The following RBFOX1 variants were observed in gnomAD, a reference collection of about 807,000 sequenced individuals.
The protein encoded by RBFOX1 is RNA binding protein fox-1 homolog 1.
A neutral mutation model predicts 57.7 loss-of-function variants in RBFOX1; 8 were observed. That is an observed-to-expected ratio of 0.14 (90% CI 0.08 to 0.25). RBFOX1 has a LOEUF of 0.25. RBFOX1 is among the 10% of genes least tolerant of loss of function. The pLI is 1.00. For synonymous variants in RBFOX1, 326 were observed against 222.4 expected, an observed-to-expected ratio of 1.47 and a Z score of -4.15; for missense variants, 611 against 548.5, an observed-to-expected ratio of 1.11 and a Z score of -1.14.
chr16:7,431,059 T>G (rs1456612861), intron 4 of RBFOX1, among the ~76,000 whole-genome samples: 1 of 152,184 alleles, frequency 6.6e-6, no homozygotes, highest in Non-Finnish European at 1.5e-5. Flanking sequence ...GGCTTTCTAC[T>G]AAGGCACAGG....
intron 4 of RBFOX1, among the ~76,000 whole-genome samples, chr16:6,010,681 G>A (rs2094956032): frequency 6.6e-6 from 1 of 152,312 alleles, no homozygotes; most frequent in Non-Finnish European, 1.5e-5. Flanking sequence ...GGCTGAAGTG[G>A]ATGTAAACAT....
intron 4 of RBFOX1, among the ~76,000 whole-genome samples, chr16:7,386,318 T>A (rs1217333296): frequency 1.3e-5 from 2 of 152,122 alleles, no homozygotes; most frequent in African/African-American, 2.4e-5. Flanking sequence ...TGTGCCATGG[T>A]GGTTGCTGCA....
At chr16:5,592,418 C>CTT (rs1325474693) in intron 2 of RBFOX1, among the ~76,000 whole-genome samples, 4 of 141,480 alleles carry the variant, frequency 2.8e-5, no homozygotes, top group African/African-American at 2.6e-5. Context: ...TTATAAAAAT[C>CTT]TTTTTTTTTT....
At chr16:6,438,594 C>G (rs903423428) in intron 2 of RBFOX1, among the ~76,000 whole-genome samples, 1 of 152,120 alleles carries the variant, frequency 6.6e-6, no homozygotes, top group South Asian at 2.1e-4. Context: ...TCAAATAAAT[C>G]GAATTACTTA....
chr16:7,007,025 A>G lies in RBFOX1; in HGVS notation c.-15-45032A>G, dbSNP rs79585849. 6.8e-3 allele frequency among the ~76,000 whole-genome samples: 1,035 copies of G among 152,324 alleles called. 13 individuals carry two copies. Among genetic ancestry groups the G allele is most frequent in the African/African-American group, 0.023 (971 of 41,564 alleles). ...CAAATACATATGATCTCACGGTTCTATAGGTGAGAAATCTAGTTGGCTCAT... is the reference window on the plus strand; with the variant it reads ...CAAATACATATGATCTCACGGTTCTGTAGGTGAGAAATCTAGTTGGCTCAT... On this transcript the variant is annotated intron_variant, in intron 3 of 15. Coordinates refer to ENST00000550418, the MANE Select transcript of RBFOX1 (RefSeq NM_018723.4).
At position 7,238,992 on chromosome 16, in the gene RBFOX1, A is replaced by T. The variant is rs148663907; in HGVS notation, c.27+186894A>T. The stretch of plus-strand genomic sequence containing the variant: ...TGATCTTGTTCTTTTTTATGGCTGC[A>T]TAGCACCCCACAGTATACATGTACC... On this transcript the variant is annotated intron_variant, in intron 4 of 15. Coordinates refer to ENST00000550418, the MANE Select transcript of RBFOX1 (RefSeq NM_018723.4). Among the ~76,000 whole-genome samples, 4 of 152,318 alleles carry T rather than the reference A, an allele frequency of 2.6e-5. No homozygotes were observed. In the East Asian group the frequency reaches 7.7e-4, roughly 29 times the overall value.
At chr16:6,783,507 G>GA (rs1209269187) in intron 3 of RBFOX1, among the ~76,000 whole-genome samples, 2 of 149,964 alleles carry the variant, frequency 1.3e-5, no homozygotes, top group Admixed American at 1.3e-4. Flanking sequence ...TGGTCACAAA[G>GA]AAAAAACATT....
chr16:6,493,116 C>A (rs962267524), intron 2 of RBFOX1, among the ~76,000 whole-genome samples: 1 of 152,134 alleles, frequency 6.6e-6, no homozygotes, highest in African/African-American at 2.4e-5. Context: ...GATCACTTTA[C>A]CCCTGAGCTG....
chr16:7,609,241 G>A, intron 10 of RBFOX1, among the ~76,000 whole-genome samples: 1 of 152,188 alleles, frequency 6.6e-6, no homozygotes, highest in Non-Finnish European at 1.5e-5. Context: ...CTTGTGGGGA[G>A]GAAGGGTATG....
intron 2 of RBFOX1, among the ~76,000 whole-genome samples, chr16:6,480,706 G>A (rs55677064): frequency 0.047 from 7,145 of 152,178 alleles, 523 homozygotes; most frequent in African/African-American, 0.16. Context: ...CAGAAATGGT[G>A]TCATAAGTGT....
At chr16:5,264,702 G>T (rs1328384747) in intron 1 of RBFOX1, among the ~76,000 whole-genome samples, 2 of 152,114 alleles carry the variant, frequency 1.3e-5, no homozygotes, top group East Asian at 3.8e-4. Flanking sequence ...GGCTAGTACT[G>T]GCCAGTAGGC....
chr16:6,882,626 T>C (rs981321331), intron 3 of RBFOX1, among the ~76,000 whole-genome samples: 4 of 152,088 alleles, frequency 2.6e-5, no homozygotes, highest in African/African-American at 9.7e-5. Flanking sequence ...AATAAGATCA[T>C]GTTTGCAGAG....
At chr16:5,638,969 C>A (rs1359092110) in intron 3 of RBFOX1, among the ~76,000 whole-genome samples, 1 of 152,202 alleles carries the variant, frequency 6.6e-6, no homozygotes, top group African/African-American at 2.4e-5. Context: ...ATTCTCTCCT[C>A]CTGCAGGTTG....
chr16:6,990,687 C>T (rs1197740919), intron 3 of RBFOX1, among the ~76,000 whole-genome samples: 1 of 152,084 alleles, frequency 6.6e-6, no homozygotes, highest in Non-Finnish European at 1.5e-5. Flanking sequence ...ATCAGTTTTG[C>T]ACCGACCTAA....
intron 2 of RBFOX1, among the ~76,000 whole-genome samples, chr16:6,487,472 T>C (rs2095510307): frequency 1.3e-5 from 2 of 151,582 alleles, no homozygotes; most frequent in Admixed American, 1.3e-4. Context: ...TGTAACATAA[T>C]TTTGTGCTTG....
intron 4 of RBFOX1, among the ~76,000 whole-genome samples, chr16:7,329,154 A>G (rs2096651275): frequency 1.3e-5 from 2 of 152,314 alleles, no homozygotes; most frequent in South Asian, 2.1e-4. Context: ...TAAAATATTT[A>G]TTATCTGAGT....
intron 4 of RBFOX1, among the ~76,000 whole-genome samples, chr16:6,008,552 G>T (rs368340549): frequency 1.3e-5 from 2 of 152,178 alleles, no homozygotes; most frequent in South Asian, 2.1e-4. Context: ...TCAAGATTGC[G>T]GTTAAGGTTG....
chr16:6,901,823 C>T (rs1294985369), intron 3 of RBFOX1, among the ~76,000 whole-genome samples: 1 of 152,112 alleles, frequency 6.6e-6, no homozygotes, highest in African/African-American at 2.4e-5. Flanking sequence ...GTTATATTTA[C>T]TGTGTTAAAT....
chr16:7,231,922 T>G (rs1436793058), intron 4 of RBFOX1, among the ~76,000 whole-genome samples: 1 of 152,174 alleles, frequency 6.6e-6, no homozygotes, highest in Non-Finnish European at 1.5e-5. Context: ...GAATAACCAT[T>G]AAATAGGTAC....
Sources: gnomAD v4.1 joint callset for allele counts (sites outside exome capture counted in the v4.1 genomes callset) on GRCh38, gnomAD v4.1.1 for gene constraint, MANE v1.5 for transcripts, NCBI Gene and HGNC (gene_info 2026-07-23, HGNC 2026-07-21) for gene names.